Variants in RIT2 observed in about 807,000 individuals in gnomAD.
The protein encoded by RIT2 is GTP-binding protein Rit2.
Under a neutral mutation model 23.7 loss-of-function variants are expected in RIT2, and 24 were observed. The observed-to-expected ratio is 1.01, with a 90% CI of 0.73 to 1.43. RIT2 has a LOEUF of 1.43. Among genes scored for constraint, RIT2 ranks in the 40% most tolerant of loss-of-function variants. RIT2 has a pLI of 0.00. For synonymous variants in RIT2, 107 were observed against 91.1 expected (o/e 1.17, Z -0.99); for missense variants, 236 against 266.9 (o/e 0.88, Z 0.81).
At chr18:42,863,013 T>C (rs1455421671) in intron 4 of RIT2, among the ~76,000 whole-genome samples, 2 of 151,300 alleles carry the variant, frequency 1.3e-5, no homozygotes. Context: ...GATAGCAATT[T>C]GGGATTCACA....
chr18:42,965,900 C>A (rs668114), intron 3 of RIT2, among the ~76,000 whole-genome samples: 6,078 of 151,614 alleles, frequency 0.04, 390 homozygotes, highest in African/African-American at 0.14. Context: ...CTCACCTTCA[C>A]AGAAACAGCT....
chr18:42,797,727 CT>C (rs2143957227), intron 4 of RIT2, among the ~76,000 whole-genome samples: 1 of 152,180 alleles, frequency 6.6e-6, no homozygotes, highest in African/African-American at 2.4e-5. Context: ...CAATGATTAC[CT>C]TGCTATGAGC....
chr18:42,813,135 T>C (rs896133177), intron 4 of RIT2, among the ~76,000 whole-genome samples: 5 of 152,194 alleles, frequency 3.3e-5, no homozygotes, highest in Admixed American at 6.5e-5. Context: ...CAAAAAATCA[T>C]TGGCAGATAG....
intron 4 of RIT2, among the ~76,000 whole-genome samples, chr18:42,854,469 T>C (rs1334607040): frequency 1.3e-5 from 2 of 152,092 alleles, no homozygotes; most frequent in East Asian, 3.9e-4. Context: ...GGTGAAACAT[T>C]TTTGTGTGGG....
intron 4 of RIT2, among the ~76,000 whole-genome samples, chr18:42,817,983 T>C (rs1906044882): frequency 6.6e-6 from 1 of 152,066 alleles, no homozygotes; most frequent in Non-Finnish European, 1.5e-5. Context: ...TTTATTTAAA[T>C]TGCATTTATT....
At chr18:42,814,088 C>A (rs1458974613) in intron 4 of RIT2, among the ~76,000 whole-genome samples, 1 of 152,170 alleles carries the variant, frequency 6.6e-6, no homozygotes, top group Non-Finnish European at 1.5e-5. Flanking sequence ...TGTCCCCTAG[C>A]AAACCATTTC....
intron 4 of RIT2, among the ~76,000 whole-genome samples, chr18:42,763,448 C>A (rs1194486119): frequency 8.1e-6 from 1 of 123,850 alleles, no homozygotes; most frequent in South Asian, 2.9e-4. Context: ...GGCAACAGAG[C>A]GAGACTCCGT....
At chr18:43,015,251 A>G (rs1028909012) in intron 2 of RIT2, among the ~76,000 whole-genome samples, 3 of 151,696 alleles carry the variant, frequency 2.0e-5, no homozygotes, top group African/African-American at 7.2e-5. Flanking sequence ...TAGCTCAATG[A>G]TAGCATAGCT....
chr18:42,849,676 T>C (rs533708188), intron 4 of RIT2, among the ~76,000 whole-genome samples: 5 of 152,332 alleles, frequency 3.3e-5, no homozygotes, highest in African/African-American at 1.2e-4. Context: ...AAACCTTCTA[T>C]TCAGAACCTT....
Position 43,048,711 on chromosome 18 carries a change from T to C in RIT2, c.104-14844A>G, listed in dbSNP as rs111421781. On this transcript the variant is annotated intron_variant, in intron 1 of 4. Transcript: ENST00000326695. ...ATTTGTCTTTTTCAATGTTTCATCA[T>C]GGTCTCAGGGTCTATCTAGCTAAAA... 9.3e-3 allele frequency among the ~76,000 whole-genome samples: 1,409 copies of C among 152,312 alleles called. 15 individuals are homozygous for C. Among genetic ancestry groups the C allele is most frequent in the Non-Finnish European group, 0.014 (932 of 68,018 alleles).
chr18:42,852,904 GC>G (rs1282396151), intron 4 of RIT2, among the ~76,000 whole-genome samples: 1 of 151,208 alleles, frequency 6.6e-6, no homozygotes, highest in Non-Finnish European at 1.5e-5. Context: ...TGCAATCTTG[GC>G]TCACTGCAAC....
chr18:42,748,880 A>G (rs534429212), intron 4 of RIT2, among the ~76,000 whole-genome samples: 1 of 151,922 alleles, frequency 6.6e-6, no homozygotes, highest in Non-Finnish European at 1.5e-5. Flanking sequence ...GCAACCAAAC[A>G]CCTACTGTTC....
intron 4 of RIT2, among the ~76,000 whole-genome samples, chr18:42,855,120 A>T (rs891440270): frequency 4.6e-5 from 7 of 152,162 alleles, no homozygotes; most frequent in Non-Finnish European, 1.0e-4. Flanking sequence ...TCTCATTTCT[A>T]AAAAAACAGC....
At chr18:42,763,456 C>T (rs112285344) in intron 4 of RIT2, among the ~76,000 whole-genome samples, 2,369 of 57,196 alleles carry the variant, frequency 0.041, 67 homozygotes, top group African/African-American at 0.12. Flanking sequence ...AGCGAGACTC[C>T]GTCTCAAAAA....
intron 1 of RIT2, among the ~76,000 whole-genome samples, chr18:43,111,758 T>C (rs568700088): frequency 5.3e-5 from 8 of 152,276 alleles, no homozygotes; most frequent in Non-Finnish European, 1.2e-4. Flanking sequence ...CAGTTTTGAT[T>C]CAGCTTACTC....
At chr18:42,845,937 AGAAATAAAGTT>A (rs1906897085) in intron 4 of RIT2, among the ~76,000 whole-genome samples, 1 of 152,008 alleles carries the variant, frequency 6.6e-6, no homozygotes, top group Non-Finnish European at 1.5e-5. Flanking sequence ...TGCATATATG[AGAAATAAAGTT>A]GTAAAATCAG....
intron 3 of RIT2, among the ~76,000 whole-genome samples, chr18:42,943,050 C>A (rs1476918215): frequency 6.6e-6 from 1 of 152,148 alleles, no homozygotes; most frequent in African/African-American, 2.4e-5. Flanking sequence ...GAGTGAGCAG[C>A]AGCAAGATTT....
intron 1 of RIT2, among the ~76,000 whole-genome samples, chr18:43,114,159 C>A (rs1450819224): frequency 2.0e-5 from 3 of 151,972 alleles, no homozygotes; most frequent in Non-Finnish European, 1.5e-5. Context: ...TTTTTGCCTC[C>A]CTAGAAGAGA....
At chr18:42,924,934 TA>T (rs1002942060) in intron 3 of RIT2, among the ~76,000 whole-genome samples, 1 of 152,098 alleles carries the variant, frequency 6.6e-6, no homozygotes, top group African/African-American at 2.4e-5. Flanking sequence ...CCTGAGTTAA[TA>T]AGTGAATTTC....
Sources: allele counts gnomAD v4.1 joint callset (sites outside exome capture counted in the v4.1 genomes callset), GRCh38; gene constraint gnomAD v4.1.1; transcripts MANE v1.5; gene names NCBI Gene and HGNC (gene_info 2026-07-23, HGNC 2026-07-21).